KCNQ2: variants seen among roughly 807,000 people sequenced by gnomAD.
The protein encoded by KCNQ2 is potassium voltage-gated channel subfamily KQT member 2.
Under a neutral mutation model 84.8 loss-of-function variants are expected in KCNQ2, and 14 were observed. The ratio of observed to expected loss-of-function variants is 0.17; its 90% confidence interval spans 0.11 to 0.26. KCNQ2 has a LOEUF of 0.26. Among genes scored for constraint, KCNQ2 ranks in the 10% least tolerant of loss-of-function variants. The pLI, the probability that KCNQ2 is intolerant of heterozygous loss-of-function variation, is 1.00. For missense variants in KCNQ2, 788 were observed against 1,254.0 expected (o/e 0.63, Z 5.61); for synonymous variants, 599 against 554.1 (o/e 1.08, Z -1.14).
At chr20:63,429,200 T>C (rs1328157152) in intron 9 of KCNQ2, among the ~76,000 whole-genome samples, 2 of 133,510 alleles carry the variant, frequency 1.5e-5, no homozygotes, top group Non-Finnish European at 3.2e-5. Context: ...TGCCCACTCC[T>C]CCTCACCACC....
At chr20:63,463,854 A>T (rs2082016513) in intron 1 of KCNQ2, 2 of 152,026 alleles carry the variant, frequency 1.3e-5, no homozygotes, top group Admixed American at 6.5e-5. Context: ...ACAGATACAG[A>T]GGAAGAATCT....
chr20:63,417,221 C>A (rs80072820), intron 12 of KCNQ2, among the ~76,000 whole-genome samples: 3 of 152,048 alleles, frequency 2.0e-5, no homozygotes, highest in African/African-American at 7.2e-5. Context: ...CACAGGTGGT[C>A]GGGGAGAACC....
At chr20:63,447,391 G>A (rs6011833) in intron 1 of KCNQ2, 1,931 of 154,940 alleles carry the variant, frequency 0.012, 48 homozygotes, top group African/African-American at 0.045. Context: ...TTCCAGCCTC[G>A]TCCTGGCTGC....
At chr20:63,471,130 C>T (rs1471341576) in intron 1 of KCNQ2, 2 of 152,364 alleles carry the variant, frequency 1.3e-5, no homozygotes, top group South Asian at 4.1e-4. Context: ...GGCGCCCGAC[C>T]AGCTTGTGAC....
intron 3 of KCNQ2, 89 bp from the exon 4 acceptor site, chr20:63,444,923 G>A: frequency 7.2e-7 from 1 of 1,386,174 alleles, no homozygotes; most frequent in South Asian, 1.4e-5. Context: ...CCAGGAGGAT[G>A]TGCAGAGGGG....
chr20:63,429,773 A>G (rs1038624252), intron 9 of KCNQ2, among the ~76,000 whole-genome samples: 18 of 152,016 alleles, frequency 1.2e-4, no homozygotes, highest in Non-Finnish European at 2.2e-4. Context: ...AGCTGTCCAG[A>G]AGCCCCTCCC....
At chr20:63,442,746 C>CCAT (rs2081221814) in intron 4 of KCNQ2, among the ~76,000 whole-genome samples, 3 of 86,516 alleles carry the variant, frequency 3.5e-5, no homozygotes, top group South Asian at 5.1e-4. Context: ...TCCACCATCA[C>CCAT]CACCATCACC....
chr20:63,423,908 G>A, intron 11 of KCNQ2: 1 of 521,690 alleles, frequency 1.9e-6, no homozygotes. Flanking sequence ...GCGGGGTGGG[G>A]GATCCCCCAC....
At position 63,460,266 on chromosome 20, in the gene KCNQ2, T is replaced by C. The variant is rs1319348621; in HGVS notation, c.296+11902A>G. On this transcript the variant is annotated intron_variant, in intron 1 of 16. Coordinates refer to ENST00000359125, the MANE Select transcript of KCNQ2 (RefSeq NM_172107.4). The surrounding 1 kb of genome is among the most constrained non-coding windows in gnomAD (Gnocchi z 5.4). ...GCAGCTTTGGGGAGCAAAGGCTTCA[T>C]GAGGTCCCAGGGGAGCTGGGGTGGA... Among the ~76,000 whole-genome samples the C allele has an allele frequency of 1.3e-5, 2 of 152,142 alleles. No individual in the cohort carries two copies. Among genetic ancestry groups the C allele is most frequent in the African/African-American group, 4.8e-5 (2 of 41,446 alleles).
chr20:63,450,758 A>G, intron 1 of KCNQ2, among the ~76,000 whole-genome samples: 1 of 151,844 alleles, frequency 6.6e-6, no homozygotes. Flanking sequence ...TGGCATAACT[A>G]ACTCCATCTT....
rs1176031798 is a variant in KCNQ2, at chr20:63,406,990, C to T, written c.2273G>A (p.Gly758Asp). 1 of 1,540,234 alleles carries T rather than the reference C, an allele frequency of 6.5e-7. No homozygotes were observed. Among genetic ancestry groups the T allele is most frequent in the Non-Finnish European group, 8.7e-7 (1 of 1,145,790 alleles). Residue 758 changes from glycine (G) to aspartate (D), a missense_variant, in exon 17 of 17, where the codon GGC (glycine) becomes GAC (aspartate). Physicochemically the swap from Gly to Asp is moderately conservative, Grantham distance 94 (BLOSUM62 -1). This residue lies in a region of KCNQ2 where 378 missense variants were observed against 434.5 expected (regional missense o/e 0.87). Transcript: ENST00000359125. The stretch of plus-strand genomic sequence containing the variant: ...CAGGAACTCCATGCTGGCGCGGTTG[C>T]CCCCGCCGTAGGCGGACAGCGACCG... ...HERSLSAYGGGNRASMEFLRQ... is the reference protein window; with the variant it reads ...HERSLSAYGGDNRASMEFLRQ...
chr20:63,459,744 T>A (rs930730069), intron 1 of KCNQ2, among the ~76,000 whole-genome samples: 1 of 152,178 alleles, frequency 6.6e-6, no homozygotes, highest in African/African-American at 2.4e-5. Context: ...TAATTTAACC[T>A]CTATTTTTAA....
Position 63,425,713 on chromosome 20 carries a change from C to T in KCNQ2, c.1218-1507G>A, listed in dbSNP as rs1448007779. Among the ~76,000 whole-genome samples the T allele has an allele frequency of 6.6e-6, 1 of 151,992 alleles. No individual in the cohort carries two copies. Among genetic ancestry groups the T allele is most frequent in the Non-Finnish European group, 1.5e-5 (1 of 67,996 alleles). ...CCAGCCTGAGTGACGCAGGGAGACT[C>T]CGTCTCAGAGAAAAAAAAAAGAAAT... On this transcript the variant is annotated intron_variant, in intron 10 of 16. Coordinates refer to ENST00000359125, the MANE Select transcript of KCNQ2 (RefSeq NM_172107.4). The surrounding 1 kb of genome is among the most constrained non-coding windows in gnomAD (Gnocchi z 5.5).
At chr20:63,443,850 C>T (rs4809562) in intron 4 of KCNQ2, 131,810 of 152,272 alleles carry the variant, frequency 0.87, 57,183 homozygotes, top group East Asian at 0.98. Flanking sequence ...GTGGCTCGCA[C>T]GGCCAGCCCA....
intron 1 of KCNQ2, among the ~76,000 whole-genome samples, chr20:63,464,721 C>G (rs1004086323): frequency 6.6e-6 from 1 of 152,236 alleles, no homozygotes; most frequent in Non-Finnish European, 1.5e-5. Flanking sequence ...AATCCAGCCA[C>G]TCAGTGTGTG....
intron 9 of KCNQ2, among the ~76,000 whole-genome samples, chr20:63,430,139 C>G (rs2080749340): frequency 6.6e-6 from 1 of 152,344 alleles, no homozygotes; most frequent in South Asian, 2.1e-4. Flanking sequence ...GGAGGCCATG[C>G]CTCGAACACA....
At chr20:63,426,495 A>G (rs1382714672) in intron 10 of KCNQ2, among the ~76,000 whole-genome samples, 1 of 120,068 alleles carries the variant, frequency 8.3e-6, no homozygotes, top group Non-Finnish European at 1.7e-5. Context: ...TTCTGCCCTG[A>G]ATGCCTTTTT....
At chr20:63,468,555 G>A (rs1456434982) in intron 1 of KCNQ2, among the ~76,000 whole-genome samples, 4 of 152,362 alleles carry the variant, frequency 2.6e-5, no homozygotes, top group African/African-American at 9.6e-5. Context: ...AGGACTGTGA[G>A]GGGAAGCGCC....
At chr20:63,462,920 T>C (rs1308080681) in intron 1 of KCNQ2, among the ~76,000 whole-genome samples, 3 of 152,116 alleles carry the variant, frequency 2.0e-5, no homozygotes, top group Non-Finnish European at 4.4e-5. Flanking sequence ...TGCTGTACCG[T>C]GGCACGCATG....
Sources: allele counts gnomAD v4.1 joint callset (sites outside exome capture counted in the v4.1 genomes callset), GRCh38; gene constraint gnomAD v4.1.1; regional missense constraint gnomAD v4.1.1; non-coding constraint Gnocchi (gnomAD v3.1); transcripts MANE v1.5; gene names NCBI Gene and HGNC (gene_info 2026-07-23, HGNC 2026-07-21).